USP25: variants seen among roughly 807,000 people sequenced by gnomAD.
The protein encoded by USP25 is ubiquitin carboxyl-terminal hydrolase 25.
A neutral mutation model predicts 158.5 loss-of-function variants in USP25; 85 were observed. That is an observed-to-expected ratio of 0.54 (90% CI 0.45 to 0.64). USP25 has a LOEUF of 0.64. USP25 is among the 30% of genes least tolerant of loss of function. USP25 has a pLI of 0.00. For missense variants in USP25, 1,242 were observed against 1,327.3 expected (o/e 0.94, Z 1.00); for synonymous variants, 464 against 460.4 (o/e 1.01, Z -0.10).
At chr21:15,802,518 G>A (rs2036180912) in intron 6 of USP25, among the ~76,000 whole-genome samples, 1 of 151,464 alleles carries the variant, frequency 6.6e-6, no homozygotes. Flanking sequence ...CAGATAGTTG[G>A]AAATGAAGTA....
chr21:15,823,329 C>T (rs934171754), intron 10 of USP25, among the ~76,000 whole-genome samples: 7 of 151,138 alleles, frequency 4.6e-5, no homozygotes, highest in African/African-American at 4.9e-5. Flanking sequence ...CTTAATTGAA[C>T]AGTTACCAAA....
intron 16 of USP25, 116 bp from the exon 17 acceptor site, chr21:15,833,232 T>A: frequency 2.1e-6 from 2 of 947,076 alleles, no homozygotes; most frequent in East Asian, 5.1e-5. Flanking sequence ...GTAATATGAT[T>A]GGCTGAGTGG....
chr21:15,785,390 A>G (rs1011890783), intron 4 of USP25, among the ~76,000 whole-genome samples: 6 of 152,344 alleles, frequency 3.9e-5, no homozygotes, highest in Admixed American at 3.3e-4. Flanking sequence ...CAGAACATGA[A>G]CAGCCGCAGA....
At chr21:15,810,172 C>T (rs1405489938) in intron 8 of USP25, among the ~76,000 whole-genome samples, 1 of 152,048 alleles carries the variant, frequency 6.6e-6, no homozygotes. Flanking sequence ...TGTATCTTAC[C>T]ATGCACCTGA....
intron 7 of USP25, among the ~76,000 whole-genome samples, chr21:15,807,047 C>A (rs768482628): frequency 4.6e-5 from 7 of 152,072 alleles, no homozygotes; most frequent in Admixed American, 2.6e-4. Flanking sequence ...CCTCAGTCTC[C>A]CAAGTAGCTG....
Position 15,826,936 on chromosome 21 carries a change from G to T in USP25, c.1467-41G>T, listed in dbSNP as rs1357982486. On this transcript the variant is annotated intron_variant, in intron 13 of 25. Coordinates refer to ENST00000400183, the MANE Select transcript of USP25 (RefSeq NM_001283041.3). The surrounding 1 kb of genome is among the most constrained non-coding windows in gnomAD (Gnocchi z 4.8). ...GGCACGATCTTTGTCAAGAGTTTCAGCTTGAAAGGTTAATAAGAAATACTC... is the reference window on the plus strand; with the variant it reads ...GGCACGATCTTTGTCAAGAGTTTCATCTTGAAAGGTTAATAAGAAATACTC... 3.1e-6 allele frequency: 5 copies of T among 1,597,794 alleles called. No individual in the cohort carries two copies. Among genetic ancestry groups the T allele is most frequent in the African/African-American group, 1.3e-5 (1 of 74,694 alleles).
chr21:15,783,193 A>T (rs1171751184), intron 4 of USP25, among the ~76,000 whole-genome samples: 1 of 150,472 alleles, frequency 6.6e-6, no homozygotes, highest in African/African-American at 2.4e-5. Context: ...GTTTGAAATA[A>T]CCCATTCAGA....
intron 1 of USP25, among the ~76,000 whole-genome samples, chr21:15,762,285 C>G (rs941952287): frequency 4.6e-5 from 7 of 151,980 alleles, no homozygotes; most frequent in Non-Finnish European, 1.0e-4. Flanking sequence ...TAAGGGCCAT[C>G]AGGGGAGAGT....
At chr21:15,832,062 A>G (rs563590672) in intron 16 of USP25, among the ~76,000 whole-genome samples, 12 of 152,232 alleles carry the variant, frequency 7.9e-5, no homozygotes, top group Admixed American at 2.0e-4. Flanking sequence ...TTATGTTTGC[A>G]TGTTCGTATA....
At chr21:15,799,942 A>G in intron 6 of USP25, 99 bp downstream of exon 6, 1 of 617,424 alleles carries the variant, frequency 1.6e-6, no homozygotes, top group Admixed American at 3.5e-5. Flanking sequence ...CAAATCTGAA[A>G]CTGTCAATTT....
At chr21:15,775,920 T>A (rs2823487) in intron 3 of USP25, among the ~76,000 whole-genome samples, 23,612 of 151,874 alleles carry the variant, frequency 0.16, 3,863 homozygotes, top group African/African-American at 0.41. Flanking sequence ...AGAGAACGAG[T>A]TAATGGAATC....
chr21:15,868,580 T>C (rs2039755073), intron 22 of USP25, among the ~76,000 whole-genome samples: 2 of 152,196 alleles, frequency 1.3e-5, no homozygotes. Context: ...TTCTGCATAT[T>C]CCTCCTATCT....
chr21:15,785,223 C>T (rs949928632), intron 4 of USP25, among the ~76,000 whole-genome samples: 20 of 151,484 alleles, frequency 1.3e-4, no homozygotes, highest in Admixed American at 5.9e-4. Flanking sequence ...ATATAAGCAC[C>T]GAACACCAGA....
intron 20 of USP25, among the ~76,000 whole-genome samples, chr21:15,856,478 C>CTTTTTTTTT (rs752182210): frequency 7.0e-6 from 1 of 142,368 alleles, no homozygotes. Context: ...CTTTTTTTTT[C>CTTTTTTTTT]TTTTTTTTTT....
intron 1 of USP25, among the ~76,000 whole-genome samples, chr21:15,740,641 G>GTTTTTTTTTTTTTTTTTT (rs60616271): frequency 4.8e-5 from 2 of 41,242 alleles, no homozygotes; most frequent in Non-Finnish European, 1.5e-4. Context: ...CTTTCTGGCT[G>GTTTTTTTTTTTTTTTTTT]TTTTTTTTTT....
chr21:15,766,232 A>G lies in USP25; in HGVS notation c.268+91A>G. Reference sequence around the variant, plus strand: ...ATATTAATGTTGCTTAAGGAGAGGTAAAGAACCAAAAAAGAACTCTATTAA... The same window carrying G: ...ATATTAATGTTGCTTAAGGAGAGGTGAAGAACCAAAAAAGAACTCTATTAA... On this transcript the variant is annotated intron_variant, in intron 3 of 25. Coordinates refer to ENST00000400183, the MANE Select transcript of USP25 (RefSeq NM_001283041.3). This position sits in a 1 kb window ranked among gnomAD's most constrained non-coding sequence, Gnocchi z 4.0. 8.1e-7 allele frequency: 1 copy of G among 1,237,648 alleles called. No homozygotes were observed. Among genetic ancestry groups the G allele is most frequent in the Non-Finnish European group, 1.1e-6 (1 of 943,198 alleles). The allele number at this position is 1,237,648 out of a possible 1,614,324, so 76.7% of individuals were successfully genotyped here.
intron 20 of USP25, among the ~76,000 whole-genome samples, chr21:15,854,300 C>A (rs1352613806): frequency 6.6e-6 from 1 of 152,116 alleles, no homozygotes; most frequent in African/African-American, 2.4e-5. Context: ...GGCCCGCCAC[C>A]ACACCCAGGT....
chr21:15,851,972 A>G (rs1200833139), intron 20 of USP25, among the ~76,000 whole-genome samples: 1 of 152,136 alleles, frequency 6.6e-6, no homozygotes, highest in Non-Finnish European at 1.5e-5. Context: ...GTACAGCAAG[A>G]AAGCATGGGC....
intron 1 of USP25, among the ~76,000 whole-genome samples, chr21:15,756,480 G>A (rs1404326529): frequency 3.3e-5 from 5 of 152,116 alleles, no homozygotes; most frequent in Admixed American, 3.3e-4. Context: ...TCTTGGGCCA[G>A]TGATCCCTTT....
Sources: gnomAD v4.1 joint callset for allele counts (sites outside exome capture counted in the v4.1 genomes callset) on GRCh38, gnomAD v4.1.1 for gene constraint, Gnocchi (gnomAD v3.1) non-coding constraint, MANE v1.5 for transcripts, NCBI Gene and HGNC (gene_info 2026-07-23, HGNC 2026-07-21) for gene names.